KATNAL1: variants seen among roughly 807,000 people sequenced by gnomAD.
The protein encoded by KATNAL1 is katanin p60 ATPase-containing subunit A-like 1.
Under a neutral mutation model 55.2 loss-of-function variants are expected in KATNAL1, and 32 were observed. The observed-to-expected ratio is 0.58, with a 90% CI of 0.44 to 0.78. KATNAL1 has a LOEUF of 0.78. Ranked by LOEUF, KATNAL1 falls within the 30% of genes least tolerant of loss-of-function variation. KATNAL1 has a pLI of 0.00. For missense variants in KATNAL1, 466 were observed against 600.9 expected (o/e 0.78, Z 2.35); for synonymous variants, 193 against 193.6 (o/e 1.00, Z 0.02).
At chr13:30,224,786 A>T (rs1021972218) in intron 9 of KATNAL1, among the ~76,000 whole-genome samples, 3 of 152,178 alleles carry the variant, frequency 2.0e-5, no homozygotes, top group African/African-American at 4.8e-5. Flanking sequence ...AGGAATGAAA[A>T]ATGAGCCATC....
chr13:30,256,692 A>T (rs1028159889), intron 3 of KATNAL1, among the ~76,000 whole-genome samples: 1 of 152,184 alleles, frequency 6.6e-6, no homozygotes, highest in Non-Finnish European at 1.5e-5. Context: ...CAAAACAGTA[A>T]GAAAAAGAAA....
At chr13:30,208,806 A>C in intron 10 of KATNAL1, 68 bp from the exon 11 acceptor site, 1 of 1,050,120 alleles carries the variant, frequency 9.5e-7, no homozygotes, top group Non-Finnish European at 1.4e-6. Context: ...AATTGTAACA[A>C]AGTTATGAAA....
intron 1 of KATNAL1, among the ~76,000 whole-genome samples, chr13:30,298,608 C>T (rs1272361148): frequency 1.3e-5 from 2 of 151,974 alleles, no homozygotes; most frequent in African/African-American, 4.8e-5. Context: ...CATTTAAAGA[C>T]ATAGGGACAA....
intron 9 of KATNAL1, among the ~76,000 whole-genome samples, chr13:30,226,731 A>G (rs1462746951): frequency 6.6e-6 from 1 of 152,252 alleles, no homozygotes; most frequent in East Asian, 1.9e-4. Flanking sequence ...ACCTCAAAAT[A>G]AAAAGAAAAC....
rs151034112 is a variant in KATNAL1 at position 30,205,558 on chromosome 13, T to C, written c.*2982A>G. 1 of 152,356 alleles carries C rather than the reference T, an allele frequency of 6.6e-6. No homozygotes were observed. The highest frequency in any genetic ancestry group is 1.5e-5 in the Non-Finnish European group (1 of 68,062). The allele number at this position is 152,356 out of a possible 1,614,324, so 9.4% of individuals were successfully genotyped here. On this transcript the variant is annotated 3_prime_UTR_variant, in exon 11 of 11. Transcript: ENST00000380615. Reference sequence around the variant, plus strand: ...AACAAAACAAAACGAAGCAAAACAATTCAATCTCATTCTGGGTAAGGCAAC... The same window carrying C: ...AACAAAACAAAACGAAGCAAAACAACTCAATCTCATTCTGGGTAAGGCAAC...
intron 9 of KATNAL1, among the ~76,000 whole-genome samples, chr13:30,223,390 C>T (rs1452006088): frequency 2.1e-5 from 3 of 143,932 alleles, no homozygotes; most frequent in Non-Finnish European, 4.5e-5. Context: ...TGCAGTGAGC[C>T]CAGATCCTGC....
In KATNAL1 at chr13:30,203,443, A is replaced by G. The variant is rs566985785; in HGVS notation, c.*5097T>C. The G allele has an allele frequency of 1.3e-5, 2 of 152,340 alleles. No individual in the cohort carries two copies. Among genetic ancestry groups the G allele is most frequent in the South Asian group, 2.1e-4 (1 of 4,832 alleles). The allele number at this position is 152,340 out of a possible 1,614,324, so 9.4% of individuals were successfully genotyped here. On this transcript the variant is annotated 3_prime_UTR_variant, in exon 11 of 11. Transcript: ENST00000380615. ...AAAGAGTCAGGTTTTCCAAAGGGCG[A>G]TATTTTGTCATTTCAGATATGGTAA...
At position 30,230,504 on chromosome 13, in the gene KATNAL1, G is replaced by A. The variant is rs1875991387; in HGVS notation, c.976C>T (p.Arg326Cys). 4 of 1,613,192 alleles carry A rather than the reference G, an allele frequency of 2.5e-6. No homozygotes were observed. Among genetic ancestry groups the A allele is most frequent in the African/African-American group, 1.3e-5 (1 of 74,890 alleles). ...ATGAGCAGTTCAGACTTGACCCTGC[G>A]ACTTGCCTCATGTTCATCAGAGGTT... ...RGTSDEHEASRRVKSELLIQM... is the reference protein window; with the variant it reads ...RGTSDEHEASCRVKSELLIQM... Residue 326 changes from arginine to cysteine, a missense_variant, in exon 8 of 11, where the codon CGC (arginine) becomes TGC (cysteine). By Grantham distance (180) the Arg-to-Cys change is radical. Around this residue, in one of 3 missense-constraint regions of KATNAL1, gnomAD observed 213 missense variants for 308.6 expected, o/e 0.69. Transcript: ENST00000380615.
chr13:30,218,129 G>C (rs1424368284), intron 9 of KATNAL1, among the ~76,000 whole-genome samples: 1 of 150,822 alleles, frequency 6.6e-6, no homozygotes, highest in African/African-American at 2.4e-5. Flanking sequence ...AAGGTAAGTA[G>C]AAAAATACAA....
chr13:30,228,444 T>C (rs909468836), intron 8 of KATNAL1, among the ~76,000 whole-genome samples: 2 of 152,188 alleles, frequency 1.3e-5, no homozygotes, highest in Non-Finnish European at 2.9e-5. Context: ...TCGGTCATTA[T>C]GACAAAGAAT....
chr13:30,210,488 A>G, intron 9 of KATNAL1, 46 bp from the exon 10 acceptor site: 1 of 1,557,282 alleles, frequency 6.4e-7, no homozygotes, highest in Middle Eastern at 1.7e-4. Flanking sequence ...TACTTTACAA[A>G]TAATTTTGCT....
At chr13:30,236,375 G>A (rs1876686935) in intron 6 of KATNAL1, among the ~76,000 whole-genome samples, 1 of 152,176 alleles carries the variant, frequency 6.6e-6, no homozygotes, top group Non-Finnish European at 1.5e-5. Context: ...ACTCTGGGTA[G>A]GTGATGTCAG....
chr13:30,237,764 C>A (rs1034007471), intron 6 of KATNAL1, among the ~76,000 whole-genome samples: 6 of 152,164 alleles, frequency 3.9e-5, no homozygotes, highest in Admixed American at 1.3e-4. Context: ...CCCAGAAGCA[C>A]CCCCTGCTCC....
At chr13:30,221,869 T>G (rs973922083) in intron 9 of KATNAL1, among the ~76,000 whole-genome samples, 2 of 152,084 alleles carry the variant, frequency 1.3e-5, no homozygotes, top group African/African-American at 4.8e-5. Context: ...CTGACCAACA[T>G]GAGGAAACCC....
At chr13:30,291,125 A>T (rs1286095818) in intron 1 of KATNAL1, among the ~76,000 whole-genome samples, 1 of 152,236 alleles carries the variant, frequency 6.6e-6, no homozygotes, top group Non-Finnish European at 1.5e-5. Flanking sequence ...AATAAAAGGC[A>T]TGCAGATTGG....
intron 3 of KATNAL1, among the ~76,000 whole-genome samples, chr13:30,270,721 C>A (rs1264347698): frequency 2.7e-5 from 4 of 150,192 alleles, no homozygotes; most frequent in African/African-American, 4.9e-5. Context: ...CAGCATGCTC[C>A]TTAAGAGTCA....
At chr13:30,273,580 T>C (rs1880539390) in intron 3 of KATNAL1, among the ~76,000 whole-genome samples, 1 of 152,234 alleles carries the variant, frequency 6.6e-6, no homozygotes, top group African/African-American at 2.4e-5. Context: ...ATGTCAGTTA[T>C]TAGTGTGCTT....
chr13:30,283,499 G>T, intron 2 of KATNAL1, 117 bp downstream of exon 2: 1 of 752,486 alleles, frequency 1.3e-6, no homozygotes, highest in Non-Finnish European at 2.1e-6. Flanking sequence ...TTTCAGTATT[G>T]AGATAAATAG....
intron 3 of KATNAL1, among the ~76,000 whole-genome samples, chr13:30,257,080 A>G (rs1054019999): frequency 2.0e-5 from 3 of 152,236 alleles, no homozygotes; most frequent in African/African-American, 7.2e-5. Flanking sequence ...CATTCTACCT[A>G]TAAAATAAAA....
Sources: allele counts gnomAD v4.1 joint callset (sites outside exome capture counted in the v4.1 genomes callset), GRCh38; gene constraint gnomAD v4.1.1; regional missense constraint gnomAD v4.1.1; transcripts MANE v1.5; gene names NCBI Gene and HGNC (gene_info 2026-07-23, HGNC 2026-07-21).